Variants in CDK15 observed in about 807,000 individuals in gnomAD.
CDK15 encodes the protein cyclin dependent kinase 15, also known as cyclin-dependent kinase 15.
A neutral mutation model predicts 60.3 loss-of-function variants in CDK15; 62 were observed. The observed-to-expected ratio is 1.03, with a 90% CI of 0.84 to 1.27. The LOEUF (loss-of-function observed/expected upper bound fraction) is 1.27. Among genes scored for constraint, CDK15 ranks in the 50% most tolerant of loss-of-function variants. The pLI is 0.00. For synonymous variants in CDK15, 194 were observed against 195.7 expected, an observed-to-expected ratio of 0.99 and a Z score of 0.07; for missense variants, 541 against 527.8, an observed-to-expected ratio of 1.03 and a Z score of -0.25.
At chr2:201,834,652 C>T (rs570551726) in intron 7 of CDK15, among the ~76,000 whole-genome samples, 1 of 152,194 alleles carries the variant, frequency 6.6e-6, no homozygotes, top group South Asian at 2.1e-4. Context: ...ATGAGGGCAG[C>T]CTGGGTTTGT....
At chr2:201,842,791 C>T (rs1027761711) in intron 8 of CDK15, among the ~76,000 whole-genome samples, 2 of 152,166 alleles carry the variant, frequency 1.3e-5, no homozygotes, top group African/African-American at 4.8e-5. Context: ...ACATTTGGAA[C>T]AATAAAATGA....
At chr2:201,807,448 C>A in intron 1 of CDK15, 46 bp from the exon 2 acceptor site, 1 of 1,587,308 alleles carries the variant, frequency 6.3e-7, no homozygotes, top group Non-Finnish European at 8.6e-7. Context: ...GGCACTGAAT[C>A]TTTACTTTGC....
At chr2:201,891,931 C>T (rs186769863) in intron 13 of CDK15, among the ~76,000 whole-genome samples, 3 of 152,284 alleles carry the variant, frequency 2.0e-5, no homozygotes, top group African/African-American at 4.8e-5. Flanking sequence ...TGGTAACCAC[C>T]GGTATCTCCC....
At chr2:201,883,273 C>T (rs2105837484) in intron 12 of CDK15, among the ~76,000 whole-genome samples, 1 of 152,270 alleles carries the variant, frequency 6.6e-6, no homozygotes, top group South Asian at 2.1e-4. Context: ...CTCTTATTGT[C>T]TGCCCTCTAA....
chr2:201,890,056 GAAAA>G (rs1163431033), intron 12 of CDK15, among the ~76,000 whole-genome samples: 1 of 96,116 alleles, frequency 1.0e-5, no homozygotes, highest in African/African-American at 3.7e-5. Context: ...CTCAAAAAAA[GAAAA>G]AAAAAAAAAA....
rs768629426 is a variant in CDK15, at chr2:201,895,538, G to T, written c.*2271G>T. 1 of 152,038 alleles carries T rather than the reference G, an allele frequency of 6.6e-6. No homozygotes were observed. Among genetic ancestry groups the T allele is most frequent in the Non-Finnish European group, 1.5e-5 (1 of 68,000 alleles). The allele number at this position is 152,038 out of a possible 1,614,324, so 9.4% of individuals were successfully genotyped here. ...CAATTTTATCAAATAAACATTCCTG[G>T]AATTTGTGCATATTTTTTCATCCCG... is the stretch of plus-strand genomic sequence containing the variant. On this transcript the variant is annotated 3_prime_UTR_variant, in exon 14 of 14. Coordinates refer to ENST00000652192, the MANE Select transcript of CDK15 (RefSeq NM_001366386.2).
At chr2:201,807,742 A>C in intron 2 of CDK15, 99 bp downstream of exon 2, 1 of 1,563,602 alleles carries the variant, frequency 6.4e-7, no homozygotes, top group Non-Finnish European at 8.7e-7. Flanking sequence ...GAGCCTTCCC[A>C]AGTCTGCTCT....
At chr2:201,862,865 A>G (rs1023283016) in intron 10 of CDK15, among the ~76,000 whole-genome samples, 2 of 152,202 alleles carry the variant, frequency 1.3e-5, no homozygotes, top group African/African-American at 2.4e-5. Context: ...GGGACTGGCC[A>G]TAAACTTTTG....
At chr2:201,860,434 AAAG>A (rs1574913224) in intron 10 of CDK15, among the ~76,000 whole-genome samples, 1 of 152,208 alleles carries the variant, frequency 6.6e-6, no homozygotes, top group East Asian at 1.9e-4. Flanking sequence ...TTGTTCCCAT[AAAG>A]AAGGGAATAG....
intron 8 of CDK15, among the ~76,000 whole-genome samples, chr2:201,836,643 T>G (rs1335237648): frequency 6.6e-6 from 1 of 151,278 alleles, no homozygotes; most frequent in Non-Finnish European, 1.5e-5. Flanking sequence ...TCTTTAATCC[T>G]TTGCCTTGTC....
At chr2:201,871,911 G>A (rs1247686037) in intron 10 of CDK15, among the ~76,000 whole-genome samples, 3 of 151,916 alleles carry the variant, frequency 2.0e-5, no homozygotes, top group Admixed American at 1.3e-4. Context: ...CTATTTCTGG[G>A]TCCACATTTT....
At chr2:201,816,780 G>T (rs1446153645) in intron 4 of CDK15, among the ~76,000 whole-genome samples, 3 of 152,016 alleles carry the variant, frequency 2.0e-5, no homozygotes, top group Admixed American at 6.6e-5. Flanking sequence ...ACAGGGCCTG[G>T]GGGGAGGCAG....
chr2:201,814,830 T>C (rs1362448987), intron 4 of CDK15, among the ~76,000 whole-genome samples: 1 of 152,224 alleles, frequency 6.6e-6, no homozygotes, highest in Non-Finnish European at 1.5e-5. Flanking sequence ...ATGGTCTCTT[T>C]CTATACAGGT....
At chr2:201,837,502 GGAAGGAA>G (rs1697181412) in intron 8 of CDK15, among the ~76,000 whole-genome samples, 1 of 123,478 alleles carries the variant, frequency 8.1e-6, no homozygotes, top group Non-Finnish European at 1.7e-5. Context: ...AAGGAAGGAA[GGAAGGAA>G]GGAAAGAAGG....
At chr2:201,811,388 G>A (rs1317188318) in intron 3 of CDK15, among the ~76,000 whole-genome samples, 1 of 151,626 alleles carries the variant, frequency 6.6e-6, no homozygotes, top group Non-Finnish European at 1.5e-5. Flanking sequence ...CTGACCTCCT[G>A]ATCCACCGGC....
At chr2:201,851,486 C>T (rs972129519) in intron 9 of CDK15, among the ~76,000 whole-genome samples, 2 of 151,968 alleles carry the variant, frequency 1.3e-5, no homozygotes, top group African/African-American at 4.8e-5. Flanking sequence ...GAAGAGCAAA[C>T]GGGCCTGACT....
intron 13 of CDK15, among the ~76,000 whole-genome samples, chr2:201,891,616 A>C (rs1439102221): frequency 6.6e-6 from 1 of 152,090 alleles, no homozygotes; most frequent in Non-Finnish European, 1.5e-5. Context: ...TCCCAAACCC[A>C]CCATACCCTT....
rs1363097707 is a variant in CDK15 at position 201,872,273 on chromosome 2, C to T, written c.1010-5C>T. ...ATTTTTTAACGCCCTCTGTATGCTT[C>T]CCAGAATGGTTCCCACTGCCTACGC... On this transcript the variant is annotated splice_polypyrimidine_tract_variant and splice_region_variant and intron_variant, in intron 10 of 13. Coordinates refer to ENST00000652192, the MANE Select transcript of CDK15 (RefSeq NM_001366386.2). The T allele has an allele frequency of 6.8e-6, 11 of 1,613,922 alleles. No individual in the cohort carries two copies. The highest frequency in any genetic ancestry group is 2.7e-5 in the African/African-American group (2 of 74,902).
At chr2:201,854,984 A>T in intron 10 of CDK15, 47 bp downstream of exon 10, 2 of 1,576,324 alleles carry the variant, frequency 1.3e-6, no homozygotes, top group Non-Finnish European at 1.7e-6. Context: ...TAGTAATGTA[A>T]GGAGAGCATT....
Sources: allele counts gnomAD v4.1 joint callset (sites outside exome capture counted in the v4.1 genomes callset), GRCh38; gene constraint gnomAD v4.1.1; transcripts MANE v1.5; gene names NCBI Gene and HGNC (gene_info 2026-07-23, HGNC 2026-07-21).